The following HPS1 variants were observed in gnomAD, a reference collection of about 807,000 sequenced individuals.
The protein encoded by HPS1 is HPS1 biogenesis of lysosomal organelles complex 3 subunit 1.
Under a neutral mutation model 90.6 loss-of-function variants are expected in HPS1, and 59 were observed. That is an observed-to-expected ratio of 0.65 (90% CI 0.53 to 0.81). The LOEUF is 0.81. HPS1 is among the 30% of genes least tolerant of loss of function. The pLI, the probability that HPS1 is intolerant of heterozygous loss-of-function variation, is 0.00. For synonymous variants in HPS1, 388 were observed against 384.4 expected (o/e 1.01, Z -0.11); for missense variants, 849 against 896.7 (o/e 0.95, Z 0.68).
In HPS1 at chr10:98,435,307, C is replaced by T; in HGVS notation, c.363G>A (p.Gly121=). The change falls in exon 5 of 20, where the codon GGG becomes GGA. Residue 121 remains glycine (G), a synonymous_variant. Transcript: ENST00000361490. This position sits in a 1 kb window ranked among gnomAD's most constrained non-coding sequence, Gnocchi z 4.3. The stretch of plus-strand genomic sequence containing the variant: ...TAAGATGACCGTCCACAGTCACCAG[C>T]CCAAAGTGCACTTCAAACAGGTACT... ...VLKYLFEVHF[G]LVTVDGHLIR... The T allele has an allele frequency of 6.2e-7, 1 of 1,614,036 alleles. No individual in the cohort carries two copies. The highest frequency in any genetic ancestry group is 8.5e-7 in the Non-Finnish European group (1 of 1,180,028).
chr10:98,435,575 C>T lies in HPS1; in HGVS notation c.255+60G>A. ...GTCTAAAGTTCCAAATAAGAGAGGC[C>T]TGTGGACTCCCCATCAAGCTGAGGG... is the stretch of plus-strand genomic sequence containing the variant. On this transcript the variant is annotated intron_variant, in intron 4 of 19. Coordinates refer to ENST00000361490, the MANE Select transcript of HPS1 (RefSeq NM_000195.5). The surrounding 1 kb of genome is among the most constrained non-coding windows in gnomAD (Gnocchi z 4.3). 6.2e-7 allele frequency: 1 copy of T among 1,611,464 alleles called. No homozygotes were observed. The highest frequency in any genetic ancestry group is 8.5e-7 in the Non-Finnish European group (1 of 1,177,822).
intron 3 of HPS1, among the ~76,000 whole-genome samples, chr10:98,436,130 C>CAAATTGCAAAA (rs1847289212): frequency 6.6e-6 from 1 of 152,126 alleles, no homozygotes; most frequent in Admixed American, 6.5e-5. Context: ...AATAAGTCTA[C>CAAATTGCAAAA]TTTGGAAAAT....
intron 14 of HPS1, among the ~76,000 whole-genome samples, chr10:98,424,101 G>A (rs1419636379): frequency 6.6e-6 from 1 of 152,158 alleles, no homozygotes; most frequent in Non-Finnish European, 1.5e-5. Flanking sequence ...ACAGACAGAT[G>A]GAAAGACCTA....
At chr10:98,428,956 C>T (rs1390503173) in intron 10 of HPS1, among the ~76,000 whole-genome samples, 1 of 152,022 alleles carries the variant, frequency 6.6e-6, no homozygotes, top group Non-Finnish European at 1.5e-5. Context: ...ATTCTCCTGC[C>T]TCAGCCTCCC....
intron 18 of HPS1, among the ~76,000 whole-genome samples, chr10:98,419,517 C>A (rs11189600): frequency 6.6e-6 from 1 of 151,690 alleles, no homozygotes; most frequent in African/African-American, 2.4e-5. Flanking sequence ...TGATAGTAAG[C>A]TCCCCCCACT....
intron 11 of HPS1, chr10:98,426,206 G>T: frequency 1.8e-6 from 1 of 557,326 alleles, no homozygotes; most frequent in Non-Finnish European, 3.2e-6. Context: ...TCTGGCCCGG[G>T]TGCCAAGCAG....
chr10:98,440,689 T>C (rs554821624), intron 3 of HPS1, among the ~76,000 whole-genome samples: 5 of 152,018 alleles, frequency 3.3e-5, no homozygotes, highest in African/African-American at 9.6e-5. Context: ...AATTAACTCA[T>C]TATTTATATG....
chr10:98,433,625 G>GT (rs1846844755), intron 6 of HPS1, among the ~76,000 whole-genome samples: 6 of 152,064 alleles, frequency 3.9e-5, no homozygotes, highest in African/African-American at 1.4e-4. Flanking sequence ...AGGGAATCTT[G>GT]CCTTTAGCGC....
intron 10 of HPS1, 114 bp downstream of exon 10, chr10:98,429,459 C>A: frequency 6.3e-7 from 1 of 1,585,764 alleles, no homozygotes. Context: ...ACACGGGTAC[C>A]TGCACTCAAG....
chr10:98,442,766 C>T, intron 3 of HPS1: 1 of 316,418 alleles, frequency 3.2e-6, no homozygotes, highest in South Asian at 2.8e-5. Context: ...CCTTGGCTTC[C>T]CAAAGTGTTG....
intron 11 of HPS1, 93 bp from the exon 12 acceptor site, chr10:98,426,078 T>C (rs767310051): frequency 2.6e-6 from 3 of 1,154,312 alleles, no homozygotes; most frequent in Non-Finnish European, 3.8e-6. Context: ...AAATAATCAT[T>C]TTTAGCTCCA....
At chr10:98,431,492 G>A in intron 6 of HPS1, 1 of 607,688 alleles carries the variant, frequency 1.6e-6, no homozygotes, top group Non-Finnish European at 2.9e-6. Context: ...AGTGGATGAG[G>A]CAAGGCAATA....
At chr10:98,442,018 T>C (rs191276345) in intron 3 of HPS1, among the ~76,000 whole-genome samples, 13 of 152,382 alleles carry the variant, frequency 8.5e-5, no homozygotes, top group Admixed American at 7.8e-4. Flanking sequence ...CATAGACTTG[T>C]ACGTGCATGT....
rs529644480 is a variant in HPS1, at chr10:98,429,708, C to T, written c.868-66G>A. 1.9e-5 allele frequency: 31 copies of T among 1,614,026 alleles called. No homozygotes were observed. In the African/African-American group the frequency reaches 3.9e-4, roughly 20 times the overall value. The stretch of plus-strand genomic sequence containing the variant: ...GCTGGCTCAACCCTGTCCCTGCTCT[C>T]CCAGGAGGGATGGGAAAGGCCTGGT... On this transcript the variant is annotated intron_variant, in intron 9 of 19. Coordinates refer to ENST00000361490, the MANE Select transcript of HPS1 (RefSeq NM_000195.5).
rs112696035 is a variant in HPS1 at position 98,444,314 on chromosome 10, T to C, written c.-1+986A>G. Among the ~76,000 whole-genome samples, 494 of 150,492 alleles carry C rather than the reference T, an allele frequency of 3.3e-3. 3 individuals are homozygous for C. The highest frequency in any genetic ancestry group is 0.01 in the African/African-American group (419 of 41,070). On this transcript the variant is annotated intron_variant, in intron 2 of 19. Transcript: ENST00000361490. ...TCTGTGCTTGATTATGTAAGAAATGTCTTAACTATTCACCCACTGGAAGAT... is the reference window on the plus strand; with the variant it reads ...TCTGTGCTTGATTATGTAAGAAATGCCTTAACTATTCACCCACTGGAAGAT...
rs1047245465 is a variant in HPS1, at chr10:98,443,246, AG to A, written c.1-7del. On this transcript the variant is annotated splice_polypyrimidine_tract_variant and splice_region_variant and intron_variant, in intron 2 of 19. Transcript: ENST00000361490. ...GCCACCAAGACGCACTTCATCTGCC[AG>A]GGAAAGGCAAGGTCAAGGTCAGCCT... 6.2e-7 allele frequency: 1 copy of A among 1,609,440 alleles called. No homozygotes were observed. The highest frequency in any genetic ancestry group is 8.5e-7 in the Non-Finnish European group (1 of 1,175,774).
intron 2 of HPS1, among the ~76,000 whole-genome samples, chr10:98,444,537 T>G (rs1006424468): frequency 1.3e-5 from 2 of 152,212 alleles, no homozygotes; most frequent in Non-Finnish European, 2.9e-5. Context: ...TCATGTGGTA[T>G]GTGCGCTAAG....
In HPS1 at chr10:98,424,350, T is replaced by C. The variant is rs1473941350; in HGVS notation, c.1360A>G (p.Lys454Glu). Residue 454 changes from lysine to glutamate, a missense_variant, in exon 14 of 20, where the codon AAG becomes GAG. Physicochemically the swap from Lys to Glu is moderately conservative, Grantham distance 56. Coordinates refer to ENST00000361490, the MANE Select transcript of HPS1 (RefSeq NM_000195.5). ...IQSTWLEFKAKAFSKSEPGSS... is the reference protein window; with the variant it reads ...IQSTWLEFKAEAFSKSEPGSS... ...CCGGGCTCACTTTTGGAGAAAGCCT[T>C]GGCCTTAAACTCCAGCCAGGTGCTC... 1 of 1,612,948 alleles carries C rather than the reference T, an allele frequency of 6.2e-7. No individual in the cohort carries two copies. Among genetic ancestry groups the C allele is most frequent in the Non-Finnish European group, 8.5e-7 (1 of 1,179,588 alleles).
At chr10:98,431,394 G>C (rs1317647323) in intron 6 of HPS1, 103 bp from the exon 7 acceptor site, 1 of 1,243,190 alleles carries the variant, frequency 8.0e-7, no homozygotes. Context: ...AGTGAGCTTG[G>C]ACTCTGCACC....
Sources: gnomAD v4.1 joint callset for allele counts (sites outside exome capture counted in the v4.1 genomes callset) on GRCh38, gnomAD v4.1.1 for gene constraint, Gnocchi (gnomAD v3.1) non-coding constraint, MANE v1.5 for transcripts, NCBI Gene and HGNC (gene_info 2026-07-23, HGNC 2026-07-21) for gene names.